The following PAN3 variants were observed in gnomAD, a reference collection of about 807,000 sequenced individuals.
The protein encoded by PAN3 is PAN2-PAN3 deadenylation complex subunit PAN3.
Under a neutral mutation model 96.2 loss-of-function variants are expected in PAN3, and 19 were observed. The ratio of observed to expected loss-of-function variants is 0.20; its 90% confidence interval spans 0.14 to 0.29. The LOEUF (loss-of-function observed/expected upper bound fraction) is 0.29. Among genes scored for constraint, PAN3 ranks in the 10% least tolerant of loss-of-function variants. The pLI is 1.00. For missense variants in PAN3, 882 were observed against 1,108.1 expected, an observed-to-expected ratio of 0.80 and a Z score of 2.90; for synonymous variants, 433 against 406.6, an observed-to-expected ratio of 1.06 and a Z score of -0.78.
At chr13:28,139,257 TC>T (rs1869267697) in intron 1 of PAN3, among the ~76,000 whole-genome samples, 170 bp downstream of exon 1, 2 of 133,918 alleles carry the variant, frequency 1.5e-5, no homozygotes, top group South Asian at 2.6e-4. Flanking sequence ...TCTTCCTGCT[TC>T]CCCTCCCCAC....
chr13:28,215,841 G>A, intron 5 of PAN3: 1 of 1,398,954 alleles, frequency 7.1e-7, no homozygotes, highest in Non-Finnish European at 1.0e-6. Flanking sequence ...GGACAAGAAG[G>A]CTGCTGGAGC....
chr13:28,139,065 A>G lies in PAN3; in HGVS notation c.408A>G (p.Gly136=). The G allele has an allele frequency of 7.9e-7, 1 of 1,263,348 alleles. No homozygotes were observed. Among genetic ancestry groups the G allele is most frequent in the Non-Finnish European group, 9.9e-7 (1 of 1,006,266 alleles). 78.3% of individuals were successfully genotyped at this position (1,263,348 alleles called of 1,614,324 possible). Residue 136 remains glycine (G), a synonymous_variant, in exon 1 of 19, where the codon GGA becomes GGG. Transcript: ENST00000380958. ...AAAGGGGSSG[G]LDGPRLAIPG... is the part of the protein sequence containing the mutation. ...CCGGCGGAGGAGGCAGTAGCGGGGG[A>G]CTCGATGGACCGCGGCTGGCAAGTG... is the stretch of plus-strand genomic sequence containing the variant.
intron 4 of PAN3, among the ~76,000 whole-genome samples, chr13:28,182,123 A>G (rs1875868462): frequency 6.6e-6 from 1 of 152,358 alleles, no homozygotes; most frequent in African/African-American, 2.4e-5. Flanking sequence ...GGAACAAAAT[A>G]TCTTTACAAC....
chr13:28,169,617 G>A (rs1003900526), intron 1 of PAN3, among the ~76,000 whole-genome samples: 2 of 152,112 alleles, frequency 1.3e-5, no homozygotes, highest in African/African-American at 4.8e-5. Context: ...TTTATGATCT[G>A]TATAGGATGG....
intron 5 of PAN3, among the ~76,000 whole-genome samples, chr13:28,207,698 C>T (rs2138301209): frequency 6.6e-6 from 1 of 152,208 alleles, no homozygotes; most frequent in East Asian, 1.9e-4. Context: ...CTCACATTGT[C>T]CTAGCACTTA....
chr13:28,139,830 C>T (rs960103935), intron 1 of PAN3, among the ~76,000 whole-genome samples: 6 of 152,114 alleles, frequency 3.9e-5, no homozygotes, highest in African/African-American at 1.4e-4. Flanking sequence ...TTGTATCAAG[C>T]AAACTCAGCA....
rs533266359 is a variant in PAN3, at chr13:28,139,225, C to T, written c.430+138C>T. ...CCCAAGGCGGTCTGAGAGGCCTAGGCCGGGCCTGAGCCCTCCTTCCTTCTT... is the reference window on the plus strand; with the variant it reads ...CCCAAGGCGGTCTGAGAGGCCTAGGTCGGGCCTGAGCCCTCCTTCCTTCTT... On this transcript the variant is annotated intron_variant, in intron 1 of 18. Transcript: ENST00000380958. 1.9e-4 allele frequency: 196 copies of T among 1,018,758 alleles called. No homozygotes were observed. In the South Asian group the frequency reaches 6.5e-3, roughly 34 times the overall value. The allele number at this position is 1,018,758 out of a possible 1,614,324, so 63.1% of individuals were successfully genotyped here.
chr13:28,222,569 T>C (rs894625338), intron 6 of PAN3, among the ~76,000 whole-genome samples: 2 of 152,182 alleles, frequency 1.3e-5, no homozygotes, highest in Admixed American at 1.3e-4. Flanking sequence ...GTTATTGGTT[T>C]AACACTCTGG....
At position 28,294,654 on chromosome 13, in the gene PAN3, G is replaced by A. The variant is rs1049780895; in HGVS notation, c.*2132G>A. ...TAGACCAGCAAACTTCCCTGTGCAA[G>A]GCAAGTTTACATCACAAATCCAAGA... On this transcript the variant is annotated 3_prime_UTR_variant, in exon 19 of 19. Transcript: ENST00000380958. 1.3e-5 allele frequency: 2 copies of A among 152,558 alleles called. No individual in the cohort carries two copies. Among genetic ancestry groups the A allele is most frequent in the Non-Finnish European group, 2.9e-5 (2 of 68,026 alleles). 9.5% of individuals were successfully genotyped at this position (152,558 alleles called of 1,614,324 possible). A position where few individuals can be genotyped will look rare whatever the true frequency, so the allele number is the denominator to read the frequency against.
chr13:28,235,315 A>T (rs146607667), intron 6 of PAN3, among the ~76,000 whole-genome samples: 1 of 152,228 alleles, frequency 6.6e-6, no homozygotes, highest in Non-Finnish European at 1.5e-5. Flanking sequence ...TACTTCCTTT[A>T]AATAATTGAA....
At chr13:28,162,058 CAAAT>C (rs1408582775) in intron 1 of PAN3, among the ~76,000 whole-genome samples, 4 of 152,112 alleles carry the variant, frequency 2.6e-5, no homozygotes, top group Non-Finnish European at 4.4e-5. Flanking sequence ...CTACTTTTTG[CAAAT>C]AAATAAGTAG....
chr13:28,248,430 A>ATTGCTGGG (rs1194814557), intron 6 of PAN3, among the ~76,000 whole-genome samples: 2 of 152,144 alleles, frequency 1.3e-5, no homozygotes, highest in Non-Finnish European at 2.9e-5. Flanking sequence ...CTCTTGCCTA[A>ATTGCTGGG]TTGCTGGGGC....
intron 15 of PAN3, 72 bp from the exon 16 acceptor site, chr13:28,280,340 C>G: frequency 2.7e-6 from 4 of 1,480,842 alleles, no homozygotes; most frequent in Non-Finnish European, 3.6e-6. Flanking sequence ...GCCAAAACAG[C>G]TATGTTTGGG....
chr13:28,233,612 G>T (rs1882812824), intron 6 of PAN3, among the ~76,000 whole-genome samples: 1 of 152,130 alleles, frequency 6.6e-6, no homozygotes, highest in Non-Finnish European at 1.5e-5. Context: ...ATTTTGTTTG[G>T]AGGAAAAGTA....
chr13:28,244,142 T>G (rs1198429086), intron 6 of PAN3, among the ~76,000 whole-genome samples: 1 of 152,190 alleles, frequency 6.6e-6, no homozygotes, highest in Non-Finnish European at 1.5e-5. Context: ...TTCTGTTTTC[T>G]TTATGATTTT....
At chr13:28,246,385 G>A (rs893923273) in intron 6 of PAN3, among the ~76,000 whole-genome samples, 3 of 151,988 alleles carry the variant, frequency 2.0e-5, no homozygotes, top group Non-Finnish European at 4.4e-5. Flanking sequence ...AATGTGTAAT[G>A]ATCAAATTAG....
In PAN3 at chr13:28,228,957, AG is replaced by A. The variant is rs760204938; in HGVS notation, c.1000+8581del. On this transcript the variant is annotated intron_variant, in intron 6 of 18. Transcript: ENST00000380958. ...TCCAAGGCAGGTGTTCAGGTTGGCT[AG>A]GATGCTCTTCACATAGCTTATAAGG... Among the ~76,000 whole-genome samples the A allele has an allele frequency of 2.0e-5, 3 of 152,232 alleles. No homozygotes were observed. The East Asian group carries it at 5.8e-4, about 29-fold the overall frequency.
intron 4 of PAN3, among the ~76,000 whole-genome samples, chr13:28,196,419 C>G (rs1008234088): frequency 1.3e-5 from 2 of 152,052 alleles, no homozygotes; most frequent in African/African-American, 2.4e-5. Flanking sequence ...GTCCTGCTAA[C>G]CACTATTAAG....
At chr13:28,219,856 C>CT (rs1881215669) in intron 5 of PAN3, among the ~76,000 whole-genome samples, 1 of 152,184 alleles carries the variant, frequency 6.6e-6, no homozygotes, top group South Asian at 2.1e-4. Context: ...CAGTTTTGAC[C>CT]TTTATCTTGG....
Sources: allele counts gnomAD v4.1 joint callset (sites outside exome capture counted in the v4.1 genomes callset), GRCh38; gene constraint gnomAD v4.1.1; transcripts MANE v1.5; gene names NCBI Gene and HGNC (gene_info 2026-07-23, HGNC 2026-07-21).